The following HOXA3 variants were observed in gnomAD, a reference collection of about 807,000 sequenced individuals.
HOXA3 encodes homeobox protein Hox-A3.
In HOXA3, 8 loss-of-function variants were observed where a neutral mutation model predicts 30.3. That is an observed-to-expected ratio of 0.26 (90% CI 0.15 to 0.48). HOXA3 has a LOEUF of 0.48. Among genes scored for constraint, HOXA3 ranks in the 20% least tolerant of loss-of-function variants. The probability of loss-of-function intolerance (pLI) is 0.99; values close to 1 mark genes in which losing one functional copy is unlikely to be tolerated. For missense variants in HOXA3, 653 were observed against 614.4 expected, an observed-to-expected ratio of 1.06 and a Z score of -0.66; for synonymous variants, 323 against 273.1, an observed-to-expected ratio of 1.18 and a Z score of -1.80.
At position 27,147,271 on chromosome 7, in the gene HOXA3, T is replaced by C. The variant is rs200834044; in HGVS notation, c.-494+5017A>G. The stretch of plus-strand genomic sequence containing the variant: ...TTCTTTCTTTCTTTTCCTGCCTCCT[T>C]TCCCCTCTCCCTCCACTGTCTTGGG... On this transcript the variant is annotated intron_variant, in intron 1 of 5. Coordinates refer to ENST00000612286, the MANE Select transcript of HOXA3 (RefSeq NM_153631.3). The C allele has an allele frequency of 2.2e-5, 35 of 1,559,580 alleles. No homozygotes were observed. In the African/African-American group the frequency reaches 4.5e-4, roughly 20 times the overall value.
chr7:27,148,634 C>A (rs754080407), intron 1 of HOXA3, among the ~76,000 whole-genome samples: 13 of 152,268 alleles, frequency 8.5e-5, no homozygotes, highest in Non-Finnish European at 1.9e-4. Flanking sequence ...ACCTTTGAAC[C>A]CAGGGAATTG....
intron 1 of HOXA3, chr7:27,150,247 G>A (rs1440968931): frequency 3.9e-5 from 6 of 152,130 alleles, no homozygotes; most frequent in African/African-American, 7.2e-5. Context: ...CTGCGATGGT[G>A]AGAATGGCCA....
chr7:27,137,627 A>G (rs1785754848), intron 2 of HOXA3, among the ~76,000 whole-genome samples: 1 of 152,244 alleles, frequency 6.6e-6, no homozygotes, highest in South Asian at 2.1e-4. Context: ...AAAGAAAAAA[A>G]TCTTCCAGTA....
Position 27,108,038 on chromosome 7 carries a change from C to A in HOXA3, c.1209G>T (p.Pro403=), listed in dbSNP as rs376166790. 1.9e-6 allele frequency: 3 copies of A among 1,612,864 alleles called. No individual in the cohort carries two copies. Among genetic ancestry groups the A allele is most frequent in the Non-Finnish European group, 2.5e-6 (3 of 1,179,278 alleles). ...GCCCGTGGTGGTGGCCGCTGCCCAG[C>A]GGCCCGGCACCCCCATAGTCCATGG... is the stretch of plus-strand genomic sequence containing the variant. ...SGAMDYGGAG[P]LGSGHHHGPG... is the part of the protein sequence containing the mutation. The change falls in exon 6 of 6, where the codon CCG becomes CCT. Residue 403 remains proline, a synonymous_variant. Coordinates refer to ENST00000612286, the MANE Select transcript of HOXA3 (RefSeq NM_153631.3). This position sits in a 1 kb window ranked among gnomAD's most constrained non-coding sequence, Gnocchi z 5.0.
chr7:27,150,018 G>A (rs1282573691), intron 1 of HOXA3: 1 of 152,164 alleles, frequency 6.6e-6, no homozygotes, highest in East Asian at 1.9e-4. Context: ...CAGCTAACAA[G>A]AGAATTTGAT....
chr7:27,114,688 C>T (rs2128043489), intron 4 of HOXA3, among the ~76,000 whole-genome samples: 1 of 143,068 alleles, frequency 7.0e-6, no homozygotes, highest in Non-Finnish European at 1.5e-5. Flanking sequence ...TGCAGACACG[C>T]AGCTCACCCA....
chr7:27,148,075 G>A (rs995606556), intron 1 of HOXA3, among the ~76,000 whole-genome samples: 2 of 152,268 alleles, frequency 1.3e-5, no homozygotes, highest in African/African-American at 4.8e-5. Flanking sequence ...TCAGTGGCGA[G>A]CAGATCAGGC....
chr7:27,132,378 A>T (rs1785587842), intron 2 of HOXA3, among the ~76,000 whole-genome samples: 1 of 152,272 alleles, frequency 6.6e-6, no homozygotes. Flanking sequence ...CATATGAGTT[A>T]CTAAATGCTG....
At chr7:27,121,041 C>T (rs1784981053) in intron 4 of HOXA3, 1 of 152,264 alleles carries the variant, frequency 6.6e-6, no homozygotes, top group Admixed American at 6.5e-5. Flanking sequence ...AAGCAGGCAA[C>T]CAAGGGTACA....
intron 4 of HOXA3, among the ~76,000 whole-genome samples, chr7:27,115,174 A>C (rs1282176601): frequency 6.6e-6 from 1 of 151,904 alleles, no homozygotes; most frequent in Non-Finnish European, 1.5e-5. Context: ...CCAAAGTGTC[A>C]CCTTAGAGCA....
intron 1 of HOXA3, chr7:27,141,751 A>G (rs1434637296): frequency 1.3e-6 from 2 of 1,520,502 alleles, no homozygotes; most frequent in African/African-American, 2.8e-5. Context: ...CAGAAGGAAC[A>G]CAAGGGAGTT....
chr7:27,119,151 C>T (rs942874293), intron 4 of HOXA3, among the ~76,000 whole-genome samples: 7 of 137,110 alleles, frequency 5.1e-5, no homozygotes, highest in South Asian at 2.8e-4. Flanking sequence ...CAAGAGACCC[C>T]CCCCCCCAAA....
At chr7:27,111,020 A>C (rs1244389611) in intron 4 of HOXA3, among the ~76,000 whole-genome samples, 1 of 152,174 alleles carries the variant, frequency 6.6e-6, no homozygotes, top group Non-Finnish European at 1.5e-5. Flanking sequence ...GCTGATTCTC[A>C]GGAGCCGGGA....
chr7:27,112,884 G>T (rs1039884633), intron 4 of HOXA3, among the ~76,000 whole-genome samples: 3 of 152,184 alleles, frequency 2.0e-5, no homozygotes, highest in Non-Finnish European at 4.4e-5. Context: ...ATCAAGTTGT[G>T]CATTGTCTTA....
intron 1 of HOXA3, chr7:27,143,459 T>C (rs779993928): frequency 6.2e-7 from 1 of 1,613,758 alleles, no homozygotes; most frequent in South Asian, 1.1e-5. Flanking sequence ...ATCCATGCCA[T>C]TGTAGCCGTA....
At chr7:27,152,102 G>T (rs112325193) in intron 1 of HOXA3, among the ~76,000 whole-genome samples, 186 bp downstream of exon 1, 4 of 37,374 alleles carry the variant, frequency 1.1e-4, no homozygotes, top group African/African-American at 1.4e-4. Context: ...GTGCGTGCGC[G>T]CGTGTGTGCC....
At chr7:27,148,901 G>A (rs1782878186) in intron 1 of HOXA3, among the ~76,000 whole-genome samples, 2 of 152,258 alleles carry the variant, frequency 1.3e-5, no homozygotes, top group Non-Finnish European at 2.9e-5. Flanking sequence ...GCCCAAGGCC[G>A]CGGGATAATT....
rs1467515718 is a variant in HOXA3 at position 27,108,995 on chromosome 7, A to C, written c.527-275T>G. The stretch of plus-strand genomic sequence containing the variant: ...TTCCTGGTCTGGATTTTCTGTTTAG[A>C]GCTATTAACTTTCTGACTCATTTAC... On this transcript the variant is annotated intron_variant, in intron 5 of 5. Transcript: ENST00000612286. The surrounding 1 kb of genome is among the most constrained non-coding windows in gnomAD (Gnocchi z 5.0). Among the ~76,000 whole-genome samples the C allele has an allele frequency of 6.6e-6, 1 of 152,110 alleles. No homozygotes were observed. Among genetic ancestry groups the C allele is most frequent in the Non-Finnish European group, 1.5e-5 (1 of 68,028 alleles).
In HOXA3 at chr7:27,107,378, T is replaced by C. The variant is rs1415694475; in HGVS notation, c.*537A>G. On this transcript the variant is annotated 3_prime_UTR_variant, in exon 6 of 6. Transcript: ENST00000612286. ...AGATTATTCAATGCTTGCAAAAAAA[T>C]ATAAATAAATCTGACTGTTCACCAG... is the stretch of plus-strand genomic sequence containing the variant. 6.6e-6 allele frequency: 1 copy of C among 151,968 alleles called. No individual in the cohort carries two copies. The highest frequency in any genetic ancestry group is 6.6e-5 in the Admixed American group (1 of 15,264). 9.4% of individuals were successfully genotyped at this position (151,968 alleles called of 1,614,324 possible).
Sources: gnomAD v4.1 joint callset for allele counts (sites outside exome capture counted in the v4.1 genomes callset) on GRCh38, gnomAD v4.1.1 for gene constraint, Gnocchi (gnomAD v3.1) non-coding constraint, MANE v1.5 for transcripts, NCBI Gene and HGNC (gene_info 2026-07-23, HGNC 2026-07-21) for gene names.